TSHZ2: variants seen among roughly 807,000 people sequenced by gnomAD.
TSHZ2 encodes teashirt zinc finger homeobox 2, also known as teashirt homolog 2.
In TSHZ2, 21 loss-of-function variants were observed where a neutral mutation model predicts 74.4. The observed-to-expected ratio is 0.28, with a 90% confidence interval of 0.20 to 0.41. The LOEUF (loss-of-function observed/expected upper bound fraction) is 0.41, where lower values mean the gene tolerates loss of function less well. Among genes scored for constraint, TSHZ2 ranks in the 10% least tolerant of loss-of-function variants. The probability of loss-of-function intolerance (pLI) is 1.00; values close to 1 mark genes in which losing one functional copy is unlikely to be tolerated. For synonymous variants in TSHZ2, 540 were observed against 515.3 expected, an observed-to-expected ratio of 1.05 and a Z score of -0.65; for missense variants, 1,244 against 1,293.5, an observed-to-expected ratio of 0.96 and a Z score of 0.59.
intron 2 of TSHZ2, among the ~76,000 whole-genome samples, chr20:53,449,434 T>C (rs937574221): frequency 1.3e-5 from 2 of 152,242 alleles, no homozygotes; most frequent in Non-Finnish European, 2.9e-5. Context: ...GCACCCACTA[T>C]GTGTCAGGCA....
At chr20:53,070,307 A>T (rs1041425688) in intron 1 of TSHZ2, among the ~76,000 whole-genome samples, 4 of 152,230 alleles carry the variant, frequency 2.6e-5, no homozygotes, top group Non-Finnish European at 5.9e-5. Context: ...AAGATTTATC[A>T]GTCTTACTCA....
chr20:53,484,544 C>T lies in TSHZ2; in HGVS notation c.*9-2600C>T, dbSNP rs370530501. Among the ~76,000 whole-genome samples, 49 of 152,168 alleles carry T rather than the reference C, an allele frequency of 3.2e-4. 1 individual carries two copies. The South Asian group carries it at 8.3e-3, about 26-fold the overall frequency. ...GGAATTTCAGAGGTGCACCACCATGCCCAGCTAATTTTTGTGTTTTTAGTA... is the reference window on the plus strand; with the variant it reads ...GGAATTTCAGAGGTGCACCACCATGTCCAGCTAATTTTTGTGTTTTTAGTA... On this transcript the variant is annotated intron_variant, in intron 2 of 2. Coordinates refer to ENST00000371497, the MANE Select transcript of TSHZ2 (RefSeq NM_173485.6).
intron 2 of TSHZ2, among the ~76,000 whole-genome samples, chr20:53,422,515 T>G (rs1431340289): frequency 1.3e-5 from 2 of 151,440 alleles, no homozygotes; most frequent in Admixed American, 1.3e-4. Context: ...AAGAAGAGAG[T>G]TGAAAAAAAT....
intron 1 of TSHZ2, among the ~76,000 whole-genome samples, chr20:53,123,542 A>T (rs555178976): frequency 6.6e-6 from 1 of 152,320 alleles, no homozygotes; most frequent in African/African-American, 2.4e-5. Flanking sequence ...TTCTTCTTAC[A>T]TCAATGGCTG....
intron 1 of TSHZ2, among the ~76,000 whole-genome samples, chr20:53,106,544 A>G (rs1287395447): frequency 2.0e-5 from 3 of 150,722 alleles, no homozygotes; most frequent in Non-Finnish European, 3.0e-5. Flanking sequence ...AGCTGGGACT[A>G]CAGGCGCCCG....
intron 1 of TSHZ2, among the ~76,000 whole-genome samples, chr20:53,107,599 G>T (rs1986413862): frequency 6.6e-6 from 1 of 152,182 alleles, no homozygotes; most frequent in Non-Finnish European, 1.5e-5. Flanking sequence ...TAGGACAAGG[G>T]TCCAGAGGTC....
At chr20:53,484,135 G>T (rs1466259083) in intron 2 of TSHZ2, among the ~76,000 whole-genome samples, 1 of 152,112 alleles carries the variant, frequency 6.6e-6, no homozygotes, top group African/African-American at 2.4e-5. Flanking sequence ...TTCTAGACCT[G>T]CCAGAGGATC....
At chr20:53,282,387 G>A (rs750347951) in intron 2 of TSHZ2, among the ~76,000 whole-genome samples, 3 of 152,234 alleles carry the variant, frequency 2.0e-5, no homozygotes, top group Non-Finnish European at 4.4e-5. Flanking sequence ...ATGCAGATCA[G>A]TGAGGGAGAG....
chr20:53,396,549 TA>T (rs1260545312), intron 2 of TSHZ2, among the ~76,000 whole-genome samples: 1 of 151,790 alleles, frequency 6.6e-6, no homozygotes, highest in African/African-American at 2.4e-5. Context: ...TCCCATCAGT[TA>T]AAAAAGAGAG....
At chr20:53,141,581 A>C (rs183363088) in intron 1 of TSHZ2, among the ~76,000 whole-genome samples, 483 of 152,320 alleles carry the variant, frequency 3.2e-3, no homozygotes, top group Admixed American at 5.0e-3. Flanking sequence ...CCTTGTTGAC[A>C]GTTTCATATT....
At position 53,122,863 on chromosome 20, in the gene TSHZ2, C is replaced by T. The variant is rs539385556; in HGVS notation, c.41-130636C>T. On this transcript the variant is annotated intron_variant, in intron 1 of 2. Transcript: ENST00000371497. ...GGGGACAGGGCATGAGGAAGGCCCA[C>T]TCTCAACCCCCACTTCTGATTAAAT... 5.9e-5 allele frequency among the ~76,000 whole-genome samples: 9 copies of T among 152,344 alleles called. No homozygotes were observed. In the South Asian group the frequency reaches 1.4e-3, roughly 25 times the overall value.
At chr20:53,269,616 G>A (rs1289611375) in intron 2 of TSHZ2, among the ~76,000 whole-genome samples, 2 of 152,152 alleles carry the variant, frequency 1.3e-5, no homozygotes, top group African/African-American at 2.4e-5. Context: ...ATCTGATGAT[G>A]AGGATATGAT....
At position 53,211,030 on chromosome 20, in the gene TSHZ2, C is replaced by T. The variant is rs531768230; in HGVS notation, c.41-42469C>T. On this transcript the variant is annotated intron_variant, in intron 1 of 2. Coordinates refer to ENST00000371497, the MANE Select transcript of TSHZ2 (RefSeq NM_173485.6). ...ATGGATAATTATGTTCTCAGAGAAT[C>T]CATCTGGACATAATAAAAACAGCAG... 1.7e-3 allele frequency among the ~76,000 whole-genome samples: 257 copies of T among 152,208 alleles called. 4 individuals carry two copies. Among genetic ancestry groups the T allele is most frequent in the African/African-American group, 6.0e-3 (250 of 41,536 alleles).
Position 52,973,936 on chromosome 20 carries a change from T to C in TSHZ2, c.40+603T>C, listed in dbSNP as rs568729285. Among the ~76,000 whole-genome samples the C allele has an allele frequency of 3.3e-5, 5 of 152,306 alleles. No individual in the cohort carries two copies. In the East Asian group the frequency reaches 9.6e-4, roughly 29 times the overall value. On this transcript the variant is annotated intron_variant, in intron 1 of 2. Transcript: ENST00000371497. ...ATGTAATTAACAATTTCCCTATTCT[T>C]TAAAAAAACCAAAAAGGGTTGTAGG...
chr20:53,469,614 T>TAGAG (rs1437061564), intron 2 of TSHZ2, among the ~76,000 whole-genome samples: 1 of 69,874 alleles, frequency 1.4e-5, no homozygotes, highest in African/African-American at 5.9e-5. Flanking sequence ...GAAAGATAGA[T>TAGAG]AGAGAGGGAG....
chr20:53,450,943 A>G (rs186044094), intron 2 of TSHZ2, among the ~76,000 whole-genome samples: 251 of 152,182 alleles, frequency 1.6e-3, no homozygotes, highest in African/African-American at 5.8e-3. Context: ...TCTCTACTTA[A>G]TACTACTTTC....
chr20:53,279,242 CTCATGTTGTTCAAGG>C (rs879321313), intron 2 of TSHZ2, among the ~76,000 whole-genome samples: 12 of 152,152 alleles, frequency 7.9e-5, no homozygotes, highest in Non-Finnish European at 1.6e-4. Context: ...ACAGTTCAAG[CTCATGTTGTTCAAGG>C]GACAGCTGTA....
chr20:53,489,054 T>A lies in TSHZ2; in HGVS notation c.*1919T>A, dbSNP rs1379170305. 19 of 456,074 alleles carry A rather than the reference T, an allele frequency of 4.2e-5. No individual in the cohort carries two copies. The highest frequency in any genetic ancestry group is 4.4e-6 in the Non-Finnish European group (1 of 226,950). The allele number at this position is 456,074 out of a possible 1,614,324, so 28.3% of individuals were successfully genotyped here. ...TACCCCTCACATCATCGGATTGAGA[T>A]GGCAGTCGAAATAGCTTCATTGAAG... On this transcript the variant is annotated 3_prime_UTR_variant, in exon 3 of 3. Transcript: ENST00000371497.
chr20:53,095,224 G>T (rs1600686882), intron 1 of TSHZ2, among the ~76,000 whole-genome samples: 1 of 152,274 alleles, frequency 6.6e-6, no homozygotes, highest in East Asian at 1.9e-4. Flanking sequence ...TCTATCCTGA[G>T]GCAGTCTCTC....
Sources: gnomAD v4.1 joint callset for allele counts (sites outside exome capture counted in the v4.1 genomes callset) on GRCh38, gnomAD v4.1.1 for gene constraint, MANE v1.5 for transcripts, NCBI Gene and HGNC (gene_info 2026-07-23, HGNC 2026-07-21) for gene names.